NRXN1: variants seen among roughly 807,000 people sequenced by gnomAD.
NRXN1 encodes the protein neurexin-1.
Under a neutral mutation model 150.9 loss-of-function variants are expected in NRXN1, and 39 were observed. The ratio of observed to expected loss-of-function variants is 0.26; its 90% CI spans 0.20 to 0.34. NRXN1 has a LOEUF of 0.34. NRXN1 is among the 10% of genes least tolerant of loss of function. The pLI, the probability that NRXN1 is intolerant of heterozygous loss-of-function variation, is 1.00. For missense variants in NRXN1, 1,815 were observed against 1,949.9 expected, an observed-to-expected ratio of 0.93 and a Z score of 1.30; for synonymous variants, 924 against 757.0, an observed-to-expected ratio of 1.22 and a Z score of -3.62.
intron 19 of NRXN1, among the ~76,000 whole-genome samples, chr2:50,082,258 A>G (rs1413783099): frequency 6.6e-6 from 1 of 152,228 alleles, no homozygotes; most frequent in Non-Finnish European, 1.5e-5. Flanking sequence ...AATCTCAGCC[A>G]ATATCTTTAG....
chr2:50,678,834 T>C (rs1330623729), intron 5 of NRXN1, among the ~76,000 whole-genome samples: 1 of 152,036 alleles, frequency 6.6e-6, no homozygotes, highest in Non-Finnish European at 1.5e-5. Flanking sequence ...AGCAAGATGA[T>C]TGAGCAGAGC....
At chr2:49,994,211 ACT>A (rs1366518745) in intron 21 of NRXN1, among the ~76,000 whole-genome samples, 2 of 152,032 alleles carry the variant, frequency 1.3e-5, no homozygotes, top group African/African-American at 4.8e-5. Flanking sequence ...TGTGTTGATG[ACT>A]CTGCAGACAA....
At chr2:50,956,195 A>G (rs1195841481) in intron 2 of NRXN1, among the ~76,000 whole-genome samples, 2 of 152,180 alleles carry the variant, frequency 1.3e-5, no homozygotes, top group Non-Finnish European at 2.9e-5. Context: ...AATTTTTATT[A>G]AAATATATTG....
At chr2:50,245,131 G>A (rs79570037) in intron 17 of NRXN1, among the ~76,000 whole-genome samples, 2,701 of 151,938 alleles carry the variant, frequency 0.018, 70 homozygotes, top group African/African-American at 0.063. Context: ...GTGTCATTTA[G>A]AAGTATCCCC....
At chr2:49,928,856 C>A (rs775164799) in intron 22 of NRXN1, among the ~76,000 whole-genome samples, 1 of 152,112 alleles carries the variant, frequency 6.6e-6, no homozygotes, top group African/African-American at 2.4e-5. Flanking sequence ...TTCTCCCTCC[C>A]ACCAATTCCA....
chr2:50,563,013 C>G (rs116227146), intron 8 of NRXN1, among the ~76,000 whole-genome samples: 1 of 151,656 alleles, frequency 6.6e-6, no homozygotes, highest in East Asian at 1.9e-4. Flanking sequence ...TATGAAGATC[C>G]GTTAATAAAT....
At chr2:50,906,596 C>T (rs1343967888) in intron 5 of NRXN1, among the ~76,000 whole-genome samples, 1 of 152,082 alleles carries the variant, frequency 6.6e-6, no homozygotes, top group African/African-American at 2.4e-5. Context: ...CCAGAATAAT[C>T]TTTTGAAACA....
chr2:50,969,562 A>G (rs1351008756), intron 2 of NRXN1, among the ~76,000 whole-genome samples: 1 of 152,198 alleles, frequency 6.6e-6, no homozygotes, highest in Non-Finnish European at 1.5e-5. Context: ...ATCAGGAAGT[A>G]GGAACTATTT....
chr2:50,817,985 T>C (rs139870826), intron 5 of NRXN1, among the ~76,000 whole-genome samples: 2,391 of 151,954 alleles, frequency 0.016, 29 homozygotes, highest in Non-Finnish European at 0.021. Context: ...AAGATAGTAT[T>C]GGAAGTCCCA....
At chr2:50,492,282 C>T (rs2091295224) in intron 15 of NRXN1, among the ~76,000 whole-genome samples, 3 of 152,032 alleles carry the variant, frequency 2.0e-5, no homozygotes, top group African/African-American at 7.2e-5. Flanking sequence ...AAGATGAAAG[C>T]AAAACTGTAT....
intron 17 of NRXN1, among the ~76,000 whole-genome samples, chr2:50,271,336 T>C (rs940247047): frequency 6.6e-6 from 1 of 152,222 alleles, no homozygotes; most frequent in African/African-American, 2.4e-5. Context: ...CAGAGGAGTA[T>C]AATTAAGATT....
intron 2 of NRXN1, among the ~76,000 whole-genome samples, chr2:51,007,912 A>C (rs1667273670): frequency 6.6e-6 from 1 of 151,994 alleles, no homozygotes; most frequent in Non-Finnish European, 1.5e-5. Flanking sequence ...TAAAATCCTA[A>C]GAAAGGAAAT....
chr2:50,837,474 A>C (rs2105914092), intron 5 of NRXN1, among the ~76,000 whole-genome samples: 1 of 152,164 alleles, frequency 6.6e-6, no homozygotes, highest in South Asian at 2.1e-4. Context: ...GTTGAGACTC[A>C]TTTTCTTTCT....
chr2:50,182,145 A>G (rs572518582), intron 18 of NRXN1, among the ~76,000 whole-genome samples: 2 of 149,862 alleles, frequency 1.3e-5, no homozygotes, highest in African/African-American at 5.0e-5. Flanking sequence ...TTTTATCAAA[A>G]CCATATAGCT....
At chr2:50,009,939 G>C (rs1045505641) in intron 21 of NRXN1, among the ~76,000 whole-genome samples, 2 of 151,960 alleles carry the variant, frequency 1.3e-5, no homozygotes, top group Admixed American at 1.3e-4. Flanking sequence ...GAGCTCTGAG[G>C]CATAATCTAG....
chr2:50,624,414 G>T (rs1191979144), intron 5 of NRXN1, among the ~76,000 whole-genome samples: 3 of 152,050 alleles, frequency 2.0e-5, no homozygotes, highest in African/African-American at 4.8e-5. Context: ...TGGATTCCAA[G>T]ATGTTTTCAA....
At chr2:50,990,533 T>C (rs1698392227) in intron 2 of NRXN1, among the ~76,000 whole-genome samples, 1 of 152,030 alleles carries the variant, frequency 6.6e-6, no homozygotes, top group Admixed American at 6.6e-5. Flanking sequence ...TACATAAACA[T>C]GTTGCTCTGA....
chr2:50,985,049 T>G (rs774966587), intron 2 of NRXN1, among the ~76,000 whole-genome samples: 1 of 151,990 alleles, frequency 6.6e-6, no homozygotes, highest in Non-Finnish European at 1.5e-5. Flanking sequence ...TATATACTTT[T>G]TAAGATCCAG....
chr2:50,376,960 TTC>T (rs2080551762), intron 17 of NRXN1, among the ~76,000 whole-genome samples: 1 of 110,328 alleles, frequency 9.1e-6, no homozygotes, highest in South Asian at 2.7e-4. Context: ...TTCTTTTCTT[TTC>T]TTTTTTTTTT....
Sources: allele counts gnomAD v4.1 joint callset (sites outside exome capture counted in the v4.1 genomes callset), GRCh38; gene constraint gnomAD v4.1.1; transcripts MANE v1.5; gene names NCBI Gene and HGNC (gene_info 2026-07-23, HGNC 2026-07-21).